HMBOX1: variants seen among roughly 807,000 people sequenced by gnomAD.
HMBOX1 encodes homeobox containing 1.
HMBOX1 carries 14 observed loss-of-function variants against 54.5 expected under a neutral mutation model. That is an observed-to-expected ratio of 0.26 (90% CI 0.17 to 0.40). HMBOX1 has a LOEUF of 0.40. Ranked by LOEUF, HMBOX1 falls within the 10% of genes least tolerant of loss-of-function variation. The pLI, the probability that HMBOX1 is intolerant of heterozygous loss-of-function variation, is 1.00. For missense variants in HMBOX1, 332 were observed against 514.4 expected (o/e 0.65, Z 3.43); for synonymous variants, 160 against 181.0 (o/e 0.88, Z 0.93).
chr8:28,906,406 T>G (rs1814339129), intron 1 of HMBOX1, among the ~76,000 whole-genome samples: 1 of 152,176 alleles, frequency 6.6e-6, no homozygotes, highest in Admixed American at 6.5e-5. Context: ...CAGGCTTATA[T>G]TAAAAGAAAA....
intron 9 of HMBOX1, chr8:29,049,496 C>A: frequency 6.9e-7 from 1 of 1,446,200 alleles, no homozygotes; most frequent in Non-Finnish European, 9.1e-7. Context: ...CGATGGAAGG[C>A]CCCACTCACT....
rs1001372555 is a variant in HMBOX1, at chr8:28,950,373, A to T, written c.-57-13438A>T. 2.0e-5 allele frequency among the ~76,000 whole-genome samples: 3 copies of T among 152,240 alleles called. No individual in the cohort carries two copies. In the East Asian group the frequency reaches 5.8e-4, roughly 29 times the overall value. On this transcript the variant is annotated intron_variant, in intron 1 of 9. Transcript: ENST00000287701. Reference sequence around the variant, plus strand: ...TTGGGAACAATTGCACTAAACTGACATGGAGAGAAAGTTCTACCTGCTGTA... The same window carrying T: ...TTGGGAACAATTGCACTAAACTGACTTGGAGAGAAAGTTCTACCTGCTGTA...
chr8:28,977,545 TAGTC>T (rs1402896490), intron 3 of HMBOX1, among the ~76,000 whole-genome samples: 68 of 152,258 alleles, frequency 4.5e-4, no homozygotes, highest in Non-Finnish European at 8.2e-4. Context: ...ACCTGCATTT[TAGTC>T]AGCAGTTATT....
In HMBOX1 at chr8:29,020,753, A is replaced by G. The variant is rs117124821; in HGVS notation, c.851+1840A>G. On this transcript the variant is annotated intron_variant, in intron 6 of 9. Transcript: ENST00000287701. ...TTCTGTAAAAATGGAACTTTTTGTT[A>G]TCCAAAATGACATATAAAATTCCTA... is the stretch of plus-strand genomic sequence containing the variant. Among the ~76,000 whole-genome samples, 178 of 152,350 alleles carry G rather than the reference A, an allele frequency of 1.2e-3. 3 individuals are homozygous for G. In the East Asian group the frequency reaches 0.025, roughly 21 times the overall value.
chr8:28,911,283 C>A (rs1585724150), intron 1 of HMBOX1, among the ~76,000 whole-genome samples: 1 of 152,174 alleles, frequency 6.6e-6, no homozygotes, highest in South Asian at 2.1e-4. Context: ...AGAAACCAGT[C>A]AGAGCCACAC....
At chr8:28,978,176 A>G (rs1828748516) in intron 3 of HMBOX1, among the ~76,000 whole-genome samples, 1 of 152,140 alleles carries the variant, frequency 6.6e-6, no homozygotes, top group Non-Finnish European at 1.5e-5. Flanking sequence ...TTTTTCCAGA[A>G]TTCCCCAAAG....
Position 29,051,792 on chromosome 8 carries a change from G to A in HMBOX1, c.*637G>A, listed in dbSNP as rs1306467664. On this transcript the variant is annotated 3_prime_UTR_variant, in exon 10 of 10. Transcript: ENST00000287701. ...GATTTTGTTTGAAGTTAACATGCCTGACACAGACATCCTTTCCTCTCACAA... is the reference window on the plus strand; with the variant it reads ...GATTTTGTTTGAAGTTAACATGCCTAACACAGACATCCTTTCCTCTCACAA... 2 of 533,680 alleles carry A rather than the reference G, an allele frequency of 3.7e-6. No homozygotes were observed. The highest frequency in any genetic ancestry group is 6.9e-6 in the Non-Finnish European group (2 of 290,266). 33.1% of individuals were successfully genotyped at this position (533,680 alleles called of 1,614,324 possible).
intron 6 of HMBOX1, 27 bp downstream of exon 6, chr8:29,018,940 A>C (rs1345227932): frequency 6.2e-7 from 1 of 1,611,170 alleles, no homozygotes; most frequent in Non-Finnish European, 8.5e-7. Flanking sequence ...TCTACGAATG[A>C]TCTCCCAAAC....
intron 1 of HMBOX1, among the ~76,000 whole-genome samples, chr8:28,895,627 A>C (rs1311236398): frequency 6.6e-6 from 1 of 151,704 alleles, no homozygotes; most frequent in African/African-American, 2.4e-5. Flanking sequence ...GTGAGCTGAG[A>C]TTGCGCCGCT....
intron 4 of HMBOX1, among the ~76,000 whole-genome samples, chr8:28,999,891 A>G (rs1832384394): frequency 6.6e-6 from 1 of 152,126 alleles, no homozygotes; most frequent in South Asian, 2.1e-4. Context: ...GATTTCTTCT[A>G]GGACACTTCT....
intron 1 of HMBOX1, among the ~76,000 whole-genome samples, chr8:28,929,824 T>C (rs1819168406): frequency 6.6e-6 from 1 of 152,162 alleles, no homozygotes; most frequent in African/African-American, 2.4e-5. Context: ...CCCACACTCT[T>C]GATCCTTTTT....
chr8:29,016,842 TC>T (rs1835096873), intron 5 of HMBOX1, among the ~76,000 whole-genome samples: 1 of 152,252 alleles, frequency 6.6e-6, no homozygotes, highest in Admixed American at 6.5e-5. Context: ...AAGACAGATG[TC>T]ATAGTGTCTT....
At chr8:29,038,979 C>T (rs1269828305) in intron 6 of HMBOX1, among the ~76,000 whole-genome samples, 1 of 152,150 alleles carries the variant, frequency 6.6e-6, no homozygotes, top group Non-Finnish European at 1.5e-5. Flanking sequence ...TCTTTCACTG[C>T]CTTTGGACAT....
chr8:29,025,880 T>C (rs2133098882), intron 6 of HMBOX1, among the ~76,000 whole-genome samples: 1 of 152,218 alleles, frequency 6.6e-6, no homozygotes, highest in South Asian at 2.1e-4. Context: ...ACCTTTCTGG[T>C]TTATTTTTTC....
chr8:29,029,277 A>G (rs183006627), intron 6 of HMBOX1, among the ~76,000 whole-genome samples: 4 of 152,324 alleles, frequency 2.6e-5, no homozygotes, highest in African/African-American at 4.8e-5. Flanking sequence ...GCAGAAATCT[A>G]TGGAGTTAGA....
At chr8:29,043,542 A>G (rs772980053) in intron 6 of HMBOX1, among the ~76,000 whole-genome samples, 9 of 152,256 alleles carry the variant, frequency 5.9e-5, no homozygotes, top group Non-Finnish European at 1.2e-4. Context: ...ACCCACAGTG[A>G]CAAGCACATA....
At chr8:28,963,952 A>T in intron 2 of HMBOX1, 62 bp downstream of exon 2, 1 of 1,280,794 alleles carries the variant, frequency 7.8e-7, no homozygotes, top group South Asian at 1.3e-5. Flanking sequence ...TTAAGATGTC[A>T]CTATGATTAT....
At chr8:28,952,452 T>C (rs1390833280) in intron 1 of HMBOX1, among the ~76,000 whole-genome samples, 1 of 152,102 alleles carries the variant, frequency 6.6e-6, no homozygotes, top group Non-Finnish European at 1.5e-5. Context: ...CAGGCTGGTC[T>C]CAAACTCCTG....
At chr8:28,904,631 C>CT (rs1285187613) in intron 1 of HMBOX1, among the ~76,000 whole-genome samples, 4 of 151,736 alleles carry the variant, frequency 2.6e-5, no homozygotes, top group African/African-American at 7.3e-5. Flanking sequence ...AACATTGAAC[C>CT]TTTTTTTGTG....
Sources: gnomAD v4.1 joint callset for allele counts (sites outside exome capture counted in the v4.1 genomes callset) on GRCh38, gnomAD v4.1.1 for gene constraint, MANE v1.5 for transcripts, NCBI Gene and HGNC (gene_info 2026-07-23, HGNC 2026-07-21) for gene names.